The following ADAM20 variants were observed in gnomAD, a reference collection of about 807,000 sequenced individuals.
The protein encoded by ADAM20 is disintegrin and metalloproteinase domain-containing protein 20.
For synonymous variants in ADAM20, 305 were observed against 310.2 expected (o/e 0.98, Z 0.18); for missense variants, 871 against 883.2 (o/e 0.99, Z 0.18).
upstream of ADAM20, chr14:70,535,100 G>A (rs1381801093): frequency 2.0e-5 from 3 of 152,236 alleles, no homozygotes; most frequent in Non-Finnish European, 4.4e-5. Context: ...TGACCCAAGT[G>A]TGTAAGGGGA....
In ADAM20 at chr14:70,524,774, T is replaced by C. The variant is rs1199968749; in HGVS notation, c.-17A>G. On this transcript the variant is annotated 5_prime_UTR_variant, in exon 2 of 2. Transcript: ENST00000256389. ...CACTGCCATTATGAAGCTGTCATTA[T>C]GGAGCCATCTGTCTAGAGCAGAAGA... 7.4e-6 allele frequency: 12 copies of C among 1,613,748 alleles called. No homozygotes were observed. The South Asian group carries it at 8.8e-5, about 12-fold the overall frequency.
At chr14:70,545,217 G>A in the ADAM20 span, among the ~76,000 whole-genome samples, 24,992 of 152,168 alleles carry the variant, frequency 0.16, 2,978 homozygotes, top group East Asian at 0.49. Flanking sequence ...CAAAAATCAG[G>A]TGAGCATTCA....
the ADAM20 span, among the ~76,000 whole-genome samples, chr14:70,573,933 T>A: frequency 3.3e-5 from 5 of 152,300 alleles, no homozygotes; most frequent in African/African-American, 9.6e-5. Flanking sequence ...CAGATTTCAG[T>A]AGCCCACTCT....
At chr14:70,574,457 G>A in the ADAM20 span, among the ~76,000 whole-genome samples, 1 of 151,900 alleles carries the variant, frequency 6.6e-6, no homozygotes, top group Non-Finnish European at 1.5e-5. Context: ...TGGCTAACAC[G>A]GTGAAACTCC....
chr14:70,532,319 C>T (rs183319889), intron 1 of ADAM20, among the ~76,000 whole-genome samples: 5 of 152,002 alleles, frequency 3.3e-5, no homozygotes, highest in East Asian at 1.9e-4. Context: ...ACACAAAAAT[C>T]GCTCAAAATG....
the ADAM20 span, among the ~76,000 whole-genome samples, chr14:70,572,143 TG>T: frequency 6.6e-6 from 1 of 152,140 alleles, no homozygotes; most frequent in Non-Finnish European, 1.5e-5. Flanking sequence ...AAACTTCACA[TG>T]GCACCAAAAA....
chr14:70,544,370 A>T, the ADAM20 span, among the ~76,000 whole-genome samples: 1 of 152,218 alleles, frequency 6.6e-6, no homozygotes, highest in African/African-American at 2.4e-5. Context: ...ATTAAAGAAC[A>T]TCCTTCTAAA....
chr14:70,536,406 C>T (rs977330410), upstream of ADAM20, among the ~76,000 whole-genome samples: 6 of 124,266 alleles, frequency 4.8e-5, no homozygotes, highest in South Asian at 2.7e-4. Flanking sequence ...GCAGAGGTTG[C>T]GGTGAGCCTA....
At chr14:70,542,954 G>A in the ADAM20 span, among the ~76,000 whole-genome samples, 1 of 151,160 alleles carries the variant, frequency 6.6e-6, no homozygotes, top group African/African-American at 2.4e-5. Flanking sequence ...AAAAAAAAGA[G>A]GCCTATGTAA....
chr14:70,564,726 GAT>G, the ADAM20 span, among the ~76,000 whole-genome samples: 1 of 138,584 alleles, frequency 7.2e-6, no homozygotes, highest in Non-Finnish European at 1.5e-5. Context: ...TCAACAAAGA[GAT>G]AGACGCAATT....
chr14:70,569,371 C>A, the ADAM20 span, among the ~76,000 whole-genome samples: 1 of 152,098 alleles, frequency 6.6e-6, no homozygotes, highest in African/African-American at 2.4e-5. Flanking sequence ...ACAATTGAGA[C>A]TACAAAACAA....
chr14:70,533,452 GA>G (rs1206989495), intron 1 of ADAM20, among the ~76,000 whole-genome samples: 2 of 152,164 alleles, frequency 1.3e-5, no homozygotes, highest in East Asian at 3.8e-4. Context: ...GCTTTGCAGG[GA>G]CATGGATGAA....
the ADAM20 span, among the ~76,000 whole-genome samples, chr14:70,566,368 A>G: frequency 6.6e-6 from 1 of 152,274 alleles, no homozygotes; most frequent in South Asian, 2.1e-4. Flanking sequence ...CTTAAAATAG[A>G]CTGTTAGAAA....
chr14:70,564,926 T>C, the ADAM20 span, among the ~76,000 whole-genome samples: 11 of 150,906 alleles, frequency 7.3e-5, no homozygotes, highest in Non-Finnish European at 3.0e-5. Flanking sequence ...TGTATGCCTG[T>C]AGTCCCAGCT....
chr14:70,554,451 A>G, the ADAM20 span, among the ~76,000 whole-genome samples: 1 of 152,226 alleles, frequency 6.6e-6, no homozygotes, highest in South Asian at 2.1e-4. Context: ...TCACTGCAGC[A>G]TTATTCACAT....
rs1337570591 is a variant in ADAM20 at position 70,534,997 on chromosome 14, A to G, written c.-377T>C. The G allele has an allele frequency of 6.6e-6, 1 of 152,228 alleles. No individual in the cohort carries two copies. Among genetic ancestry groups the G allele is most frequent in the Non-Finnish European group, 1.5e-5 (1 of 68,050 alleles). The allele number at this position is 152,228 out of a possible 1,614,324, so 9.4% of individuals were successfully genotyped here. A position where few individuals can be genotyped will look rare whatever the true frequency, so the allele number is the denominator to read the frequency against. On this transcript the variant is annotated 5_prime_UTR_variant, in exon 1 of 2. Transcript: ENST00000256389. ...TGATGTGGGCATGACCCTAGTCTTA[A>G]ACACACTGCTGAACTCCCATCCAAT...
chr14:70,578,839 C>T, the ADAM20 span, among the ~76,000 whole-genome samples: 2 of 152,062 alleles, frequency 1.3e-5, no homozygotes, highest in African/African-American at 4.8e-5. Context: ...GCTTGCCCCC[C>T]TCCCTCCCCA....
chr14:70,560,210 C>G, the ADAM20 span, among the ~76,000 whole-genome samples: 1 of 151,982 alleles, frequency 6.6e-6, no homozygotes, highest in Non-Finnish European at 1.5e-5. Context: ...ATTTTAATGG[C>G]AATCTTAAAT....
chr14:70,573,133 T>C, the ADAM20 span, among the ~76,000 whole-genome samples: 1 of 152,158 alleles, frequency 6.6e-6, no homozygotes, highest in Non-Finnish European at 1.5e-5. Context: ...CATGTGCACT[T>C]GTATGTTTAT....
Sources: allele counts gnomAD v4.1 joint callset (sites outside exome capture counted in the v4.1 genomes callset), GRCh38; gene constraint gnomAD v4.1.1; transcripts MANE v1.5; gene names NCBI Gene and HGNC (gene_info 2026-07-23, HGNC 2026-07-21).